The following HEMK2 variants were observed in gnomAD, a reference collection of about 807,000 sequenced individuals.
HEMK2 encodes HemK methyltransferase 2, ETF1 glutamine and histone H4 lysine, also known as methyltransferase HEMK2.
chr21:28,677,184 G>A, the HEMK2 span, among the ~76,000 whole-genome samples: 4 of 152,148 alleles, frequency 2.6e-5, no homozygotes, highest in South Asian at 2.1e-4. Flanking sequence ...CTGGAAAATC[G>A]GGTCACCTCC....
chr21:28,873,432 T>C, the HEMK2 span: 1 of 152,256 alleles, frequency 6.6e-6, no homozygotes, highest in East Asian at 1.9e-4. Context: ...ACTGGTCATA[T>C]GATCAAAGCT....
chr21:28,594,617 T>C, the HEMK2 span, among the ~76,000 whole-genome samples: 1 of 152,318 alleles, frequency 6.6e-6, no homozygotes, highest in Admixed American at 6.5e-5. Context: ...TCCCCAACAG[T>C]AGGGGGTAGT....
the HEMK2 span, among the ~76,000 whole-genome samples, chr21:28,605,656 CAT>C: frequency 6.6e-6 from 1 of 152,042 alleles, no homozygotes; most frequent in African/African-American, 2.4e-5. Flanking sequence ...AATATTTTAA[CAT>C]ATATACAGAT....
the HEMK2 span, among the ~76,000 whole-genome samples, chr21:28,753,282 A>G: frequency 6.6e-6 from 1 of 151,138 alleles, no homozygotes; most frequent in Non-Finnish European, 1.5e-5. Flanking sequence ...GCTCAAACCC[A>G]GGAGGCAGAA....
chr21:28,744,578 G>A, the HEMK2 span, among the ~76,000 whole-genome samples: 1 of 152,106 alleles, frequency 6.6e-6, no homozygotes, highest in Non-Finnish European at 1.5e-5. Context: ...AGTAGCAAAG[G>A]ATTTTTGCAC....
the HEMK2 span, among the ~76,000 whole-genome samples, chr21:28,658,275 T>C: frequency 6.6e-6 from 1 of 152,006 alleles, no homozygotes; most frequent in Non-Finnish European, 1.5e-5. Flanking sequence ...GCCTCTAGAG[T>C]TCCAGTAGCT....
the HEMK2 span, among the ~76,000 whole-genome samples, chr21:28,617,160 C>G: frequency 6.6e-6 from 1 of 152,192 alleles, no homozygotes; most frequent in African/African-American, 2.4e-5. Context: ...CTGGAATAGC[C>G]TTGCTGAGGA....
chr21:28,678,895 C>T, the HEMK2 span, among the ~76,000 whole-genome samples: 1 of 152,126 alleles, frequency 6.6e-6, no homozygotes, highest in Admixed American at 6.6e-5. Context: ...CTGAAGGAAG[C>T]ACTAAACATG....
At chr21:28,771,870 T>C in the HEMK2 span, among the ~76,000 whole-genome samples, 1 of 151,900 alleles carries the variant, frequency 6.6e-6, no homozygotes, top group African/African-American at 2.4e-5. Context: ...CAATCCTGCT[T>C]ACTACCACTG....
At chr21:28,590,193 G>A in the HEMK2 span, among the ~76,000 whole-genome samples, 1 of 152,160 alleles carries the variant, frequency 6.6e-6, no homozygotes, top group Non-Finnish European at 1.5e-5. Flanking sequence ...AACAAAGCCT[G>A]CAGATTCAAC....
At chr21:28,725,391 T>G in the HEMK2 span, among the ~76,000 whole-genome samples, 1 of 152,056 alleles carries the variant, frequency 6.6e-6, no homozygotes, top group Non-Finnish European at 1.5e-5. Context: ...AAAGTGAGAC[T>G]AGGAAGGGAG....
chr21:28,819,986 TC>T, the HEMK2 span, among the ~76,000 whole-genome samples: 11 of 152,320 alleles, frequency 7.2e-5, no homozygotes, highest in African/African-American at 2.4e-4. Flanking sequence ...ATTCTGGCTG[TC>T]AATTTATTAA....
At chr21:28,841,014 A>T in the HEMK2 span, among the ~76,000 whole-genome samples, 8 of 114,630 alleles carry the variant, frequency 7.0e-5, no homozygotes, top group East Asian at 1.1e-3. Context: ...TTATATATAT[A>T]ATATATAAAT....
At chr21:28,865,473 G>C in the HEMK2 span, among the ~76,000 whole-genome samples, 39 of 152,276 alleles carry the variant, frequency 2.6e-4, no homozygotes, top group East Asian at 6.4e-3. Context: ...AGCCTAGAAT[G>C]ATCTTTTGAA....
the HEMK2 span, among the ~76,000 whole-genome samples, chr21:28,845,603 T>G: frequency 2.6e-5 from 4 of 152,066 alleles, no homozygotes; most frequent in Admixed American, 2.0e-4. Flanking sequence ...TTCAGTAAGA[T>G]TTTCTATTTT....
At chr21:28,648,511 C>T in the HEMK2 span, among the ~76,000 whole-genome samples, 3,877 of 152,146 alleles carry the variant, frequency 0.025, 169 homozygotes, top group African/African-American at 0.087. Context: ...AAACTTGGTG[C>T]CTCTCACAGG....
chr21:28,654,249 T>C, the HEMK2 span, among the ~76,000 whole-genome samples: 8 of 152,180 alleles, frequency 5.3e-5, no homozygotes, highest in African/African-American at 9.6e-5. Context: ...CATATCCTTA[T>C]AGGCCATTAA....
chr21:28,856,642 A>T, the HEMK2 span, among the ~76,000 whole-genome samples: 1 of 152,184 alleles, frequency 6.6e-6, no homozygotes, highest in Non-Finnish European at 1.5e-5. Flanking sequence ...CAACCCACAA[A>T]GAGTGAGGAA....
chr21:28,884,730 G>T, the HEMK2 span, among the ~76,000 whole-genome samples: 5,070 of 152,100 alleles, frequency 0.033, 284 homozygotes, highest in African/African-American at 0.12. Context: ...CTATTCAGTG[G>T]GTTTAAAAAT....
Sources: allele counts gnomAD v4.1 joint callset (sites outside exome capture counted in the v4.1 genomes callset), GRCh38; gene constraint gnomAD v4.1.1; transcripts MANE v1.5; gene names NCBI Gene and HGNC (gene_info 2026-07-23, HGNC 2026-07-21).